GNG7: variants seen among roughly 807,000 people sequenced by gnomAD.
The protein encoded by GNG7 is guanine nucleotide-binding protein G(I)/G(S)/G(O) subunit gamma-7.
Under a neutral mutation model 4.0 loss-of-function variants are expected in GNG7, and 1 was observed. That is an observed-to-expected ratio of 0.25 (90% CI 0.09 to 1.18). GNG7 has a LOEUF of 1.18. GNG7 is among the 50% of genes most tolerant of loss of function. The pLI is 0.50. For synonymous variants in GNG7, 34 were observed against 36.9 expected, an observed-to-expected ratio of 0.92 and a Z score of 0.29; for missense variants, 86 against 91.9, an observed-to-expected ratio of 0.94 and a Z score of 0.26.
intron 3 of GNG7, among the ~76,000 whole-genome samples, chr19:2,541,821 G>A (rs1343836902): frequency 6.6e-6 from 1 of 151,704 alleles, no homozygotes; most frequent in Non-Finnish European, 1.5e-5. Flanking sequence ...AGGCTGAGGC[G>A]GGAGGATGGC....
intron 2 of GNG7, among the ~76,000 whole-genome samples, chr19:2,615,181 A>G (rs1438266667): frequency 7.0e-6 from 1 of 142,218 alleles, no homozygotes; most frequent in African/African-American, 2.6e-5. Flanking sequence ...TTTTTTTTTG[A>G]GACGGAGTCT....
At chr19:2,582,970 A>G (rs1482409190) in intron 2 of GNG7, among the ~76,000 whole-genome samples, 2 of 152,016 alleles carry the variant, frequency 1.3e-5, no homozygotes, top group Non-Finnish European at 2.9e-5. Flanking sequence ...TGCCCAGCCA[A>G]ATTGTTAAAT....
At chr19:2,553,482 ATATT>A (rs201988045) in intron 3 of GNG7, among the ~76,000 whole-genome samples, 5,081 of 147,596 alleles carry the variant, frequency 0.034, 117 homozygotes, top group African/African-American at 0.053. Context: ...TATATACTAT[ATATT>A]ATATTTTATA....
intron 2 of GNG7, among the ~76,000 whole-genome samples, chr19:2,588,576 C>G (rs1980746925): frequency 6.6e-6 from 1 of 152,240 alleles, no homozygotes; most frequent in Non-Finnish European, 1.5e-5. Flanking sequence ...GAACTTTCTC[C>G]CGTCAGTCAG....
At chr19:2,547,675 T>A (rs1283072774) in intron 3 of GNG7, among the ~76,000 whole-genome samples, 2 of 152,082 alleles carry the variant, frequency 1.3e-5, no homozygotes, top group African/African-American at 4.8e-5. Flanking sequence ...CCCCAGCACA[T>A]CCCAGACACT....
intron 1 of GNG7, among the ~76,000 whole-genome samples, chr19:2,698,422 G>T (rs1913323548): frequency 6.6e-6 from 1 of 151,844 alleles, no homozygotes; most frequent in Non-Finnish European, 1.5e-5. Flanking sequence ...AAATTAGCCG[G>T]GTGCAGTGGT....
In GNG7 at chr19:2,513,428, C is replaced by T; in HGVS notation, c.*1594G>A. 1 of 862,708 alleles carries T rather than the reference C, an allele frequency of 1.2e-6. No individual in the cohort carries two copies. The highest frequency in any genetic ancestry group is 1.8e-5 in the African/African-American group (1 of 54,856). The allele number at this position is 862,708 out of a possible 1,614,324, so 53.4% of individuals were successfully genotyped here. A position where few individuals can be genotyped will look rare whatever the true frequency, so the allele number is the denominator to read the frequency against. The stretch of plus-strand genomic sequence containing the variant: ...GTGGGGTCCATCTCAGGTGTGGCCG[C>T]AGGTGATGCCGGCAGGCCCTGGAAG... On this transcript the variant is annotated 3_prime_UTR_variant, in exon 5 of 5. Transcript: ENST00000382159.
At chr19:2,572,593 G>A (rs1435705163) in intron 2 of GNG7, among the ~76,000 whole-genome samples, 1 of 144,166 alleles carries the variant, frequency 6.9e-6, no homozygotes, top group Non-Finnish European at 1.5e-5. Flanking sequence ...CACCGCGCCC[G>A]GCCCTTTTTT....
Position 2,546,327 on chromosome 19 carries a change from G to C in GNG7, c.-38+8822C>G, listed in dbSNP as rs1979124766. On this transcript the variant is annotated intron_variant, in intron 3 of 4. Transcript: ENST00000382159. This position sits in a 1 kb window ranked among gnomAD's most constrained non-coding sequence, Gnocchi z 6.3. ...TGCACCTGCAGCCTCTCCAGGGCCA[G>C]GTCGCCCAGCAGGGCCTGGGAGGGC... Among the ~76,000 whole-genome samples, 1 of 152,256 alleles carries C rather than the reference G, an allele frequency of 6.6e-6. No individual in the cohort carries two copies. Among genetic ancestry groups the C allele is most frequent in the African/African-American group, 2.4e-5 (1 of 41,470 alleles).
At chr19:2,528,502 CAAAA>C (rs398040841) in intron 3 of GNG7, among the ~76,000 whole-genome samples, 1 of 128,834 alleles carries the variant, frequency 7.8e-6, no homozygotes, top group Non-Finnish European at 1.7e-5. Context: ...AGAATGGTCT[CAAAA>C]AAAAAAAAAA....
intron 2 of GNG7, among the ~76,000 whole-genome samples, chr19:2,578,725 C>A (rs1210023414): frequency 6.6e-6 from 1 of 152,230 alleles, no homozygotes; most frequent in African/African-American, 2.4e-5. Flanking sequence ...TGCTGAGCAG[C>A]GTCTCTGGTC....
At chr19:2,582,064 A>C (rs1437700796) in intron 2 of GNG7, among the ~76,000 whole-genome samples, 1 of 152,212 alleles carries the variant, frequency 6.6e-6, no homozygotes, top group Non-Finnish European at 1.5e-5. Flanking sequence ...TGAGGTCCTT[A>C]ATATATAAAG....
At chr19:2,578,282 CG>C (rs1980402707) in intron 2 of GNG7, among the ~76,000 whole-genome samples, 1 of 152,106 alleles carries the variant, frequency 6.6e-6, no homozygotes, top group Non-Finnish European at 1.5e-5. Flanking sequence ...CCGTTAGAGC[CG>C]GGGGCCCTCG....
At chr19:2,651,059 CCAGGTAG>C (rs1982798973) in intron 1 of GNG7, among the ~76,000 whole-genome samples, 1 of 152,174 alleles carries the variant, frequency 6.6e-6, no homozygotes, top group Non-Finnish European at 1.5e-5. Flanking sequence ...AAGAAACACT[CCAGGTAG>C]CAGGTGCCGA....
chr19:2,645,404 G>A (rs1982639054), intron 2 of GNG7, among the ~76,000 whole-genome samples: 1 of 151,654 alleles, frequency 6.6e-6, no homozygotes, highest in African/African-American at 2.4e-5. Context: ...ACGCCTGGCT[G>A]ATTTTCCTAT....
chr19:2,541,288 A>G (rs1320193079), intron 3 of GNG7, among the ~76,000 whole-genome samples: 1 of 152,126 alleles, frequency 6.6e-6, no homozygotes, highest in African/African-American at 2.4e-5. Context: ...CTGGGGCAAC[A>G]CAGTGAGACC....
chr19:2,547,516 C>A (rs191862634), intron 3 of GNG7, among the ~76,000 whole-genome samples: 8 of 152,248 alleles, frequency 5.3e-5, no homozygotes, highest in African/African-American at 1.9e-4. Flanking sequence ...TGCGCCCCCC[C>A]ACCCCGGATC....
intron 1 of GNG7, among the ~76,000 whole-genome samples, chr19:2,694,085 CCTTT>C (rs1256491202): frequency 2.6e-5 from 4 of 152,066 alleles, no homozygotes; most frequent in Admixed American, 6.5e-5. Context: ...AAATTATCTT[CCTTT>C]CTCTCTCTGG....
chr19:2,686,703 G>C (rs1325086704), intron 1 of GNG7, among the ~76,000 whole-genome samples: 1 of 152,056 alleles, frequency 6.6e-6, no homozygotes, highest in African/African-American at 2.4e-5. Flanking sequence ...CCAAGGAGCG[G>C]AGCCTTTGTA....
Sources: allele counts gnomAD v4.1 joint callset (sites outside exome capture counted in the v4.1 genomes callset), GRCh38; gene constraint gnomAD v4.1.1; non-coding constraint Gnocchi (gnomAD v3.1); transcripts MANE v1.5; gene names NCBI Gene and HGNC (gene_info 2026-07-23, HGNC 2026-07-21).